The following DYM variants were observed in gnomAD, a reference collection of about 807,000 sequenced individuals.
DYM encodes the protein dyggve-Melchior-Clausen syndrome protein.
A neutral mutation model predicts 93.1 loss-of-function variants in DYM; 78 were observed. The ratio of observed to expected loss-of-function variants is 0.84; its 90% CI spans 0.70 to 1.01. The LOEUF is 1.01. Among genes scored for constraint, DYM ranks in the 50% least tolerant of loss-of-function variants. The probability of loss-of-function intolerance (pLI) is 0.00; values close to 1 mark genes in which losing one functional copy is unlikely to be tolerated. For synonymous variants in DYM, 321 were observed against 319.7 expected (o/e 1.00, Z -0.04); for missense variants, 789 against 845.0 (o/e 0.93, Z 0.82).
chr18:49,044,753 G>C (rs2071251076), intron 17 of DYM, among the ~76,000 whole-genome samples: 1 of 152,238 alleles, frequency 6.6e-6, no homozygotes, highest in Non-Finnish European at 1.5e-5. Flanking sequence ...CTTGGCCTCA[G>C]TCTCTTCCTC....
At chr18:49,167,278 TGA>T (rs2088028021) in intron 14 of DYM, among the ~76,000 whole-genome samples, 1 of 151,932 alleles carries the variant, frequency 6.6e-6, no homozygotes, top group Admixed American at 6.6e-5. Flanking sequence ...AATTCAAACA[TGA>T]GATATTTTGG....
chr18:49,281,261 T>C (rs1168083051), intron 10 of DYM, among the ~76,000 whole-genome samples: 2 of 152,222 alleles, frequency 1.3e-5, no homozygotes, highest in Non-Finnish European at 2.9e-5. Flanking sequence ...AGATACCATC[T>C]CACACCAGTT....
chr18:49,101,323 C>T lies in DYM; in HGVS notation c.1912-3808G>A, dbSNP rs117266545. 1.7e-3 allele frequency among the ~76,000 whole-genome samples: 259 copies of T among 152,288 alleles called. 1 individual carries two copies. The highest frequency in any genetic ancestry group is 3.0e-3 in the Non-Finnish European group (204 of 68,010). On this transcript the variant is annotated intron_variant, in intron 16 of 17. Transcript: ENST00000675505. ...CCAAAGCGCATGTTTTACAACCCTCCTCTACCTACAATATTTGGCTGTAAC... is the reference window on the plus strand; with the variant it reads ...CCAAAGCGCATGTTTTACAACCCTCTTCTACCTACAATATTTGGCTGTAAC...
At chr18:49,314,788 T>A (rs2061819805) in intron 8 of DYM, among the ~76,000 whole-genome samples, 2 of 152,196 alleles carry the variant, frequency 1.3e-5, no homozygotes, top group South Asian at 4.1e-4. Context: ...GACATTCATA[T>A]CGTATGATTG....
intron 13 of DYM, among the ~76,000 whole-genome samples, chr18:49,234,851 A>G (rs2093813250): frequency 6.6e-6 from 1 of 152,228 alleles, no homozygotes; most frequent in Non-Finnish European, 1.5e-5. Context: ...CAGAAGTCAG[A>G]GGGATTTCAA....
At chr18:49,300,037 G>A (rs1288925185) in intron 8 of DYM, among the ~76,000 whole-genome samples, 3 of 137,356 alleles carry the variant, frequency 2.2e-5, no homozygotes, top group South Asian at 2.2e-4. Flanking sequence ...GTGAGACTCC[G>A]TCTCGAGAAA....
intron 14 of DYM, among the ~76,000 whole-genome samples, chr18:49,181,791 C>T (rs1305174138): frequency 1.3e-5 from 2 of 152,066 alleles, no homozygotes; most frequent in African/African-American, 4.8e-5. Flanking sequence ...ATTTTATCTA[C>T]TGCATTTGTT....
At chr18:49,233,353 C>T (rs1288407025) in intron 13 of DYM, among the ~76,000 whole-genome samples, 2 of 127,714 alleles carry the variant, frequency 1.6e-5, no homozygotes, top group Admixed American at 7.9e-5. Flanking sequence ...GGCAAGATTC[C>T]ATCAAAAAAA....
intron 16 of DYM, among the ~76,000 whole-genome samples, chr18:49,107,792 C>T (rs1373127283): frequency 3.9e-5 from 6 of 152,142 alleles, no homozygotes; most frequent in South Asian, 2.1e-4. Context: ...AGTACCCGGC[C>T]GTGTGAAGTG....
At chr18:49,116,304 G>C (rs1470439666) in intron 16 of DYM, 2 of 152,176 alleles carry the variant, frequency 1.3e-5, no homozygotes, top group African/African-American at 4.8e-5. Flanking sequence ...AACTGAGCTA[G>C]AAGCATCTTA....
chr18:49,277,035 C>A (rs1568154999), intron 10 of DYM, among the ~76,000 whole-genome samples: 1 of 151,994 alleles, frequency 6.6e-6, no homozygotes, highest in Non-Finnish European at 1.5e-5. Flanking sequence ...AAGCTTTTGC[C>A]AACTCTATGG....
At chr18:49,161,157 G>A (rs1368784842) in intron 15 of DYM, among the ~76,000 whole-genome samples, 2 of 151,106 alleles carry the variant, frequency 1.3e-5, no homozygotes, top group African/African-American at 4.9e-5. Context: ...AGAAGCAGAT[G>A]CTTTAAGAAA....
chr18:49,408,638 T>A (rs1173580499), intron 2 of DYM, among the ~76,000 whole-genome samples: 1 of 152,216 alleles, frequency 6.6e-6, no homozygotes, highest in Non-Finnish European at 1.5e-5. Flanking sequence ...GTGATGATAG[T>A]AAGCAAGCAT....
At chr18:49,366,908 G>A (rs1442270805) in intron 5 of DYM, among the ~76,000 whole-genome samples, 1 of 152,074 alleles carries the variant, frequency 6.6e-6, no homozygotes, top group East Asian at 1.9e-4. Flanking sequence ...AGTTTAATTA[G>A]AGTAAGGGGC....
At chr18:49,312,301 C>A (rs564914545) in intron 8 of DYM, among the ~76,000 whole-genome samples, 3 of 152,176 alleles carry the variant, frequency 2.0e-5, no homozygotes, top group African/African-American at 7.2e-5. Flanking sequence ...ATCCTCAGAC[C>A]GGATTGAGAA....
At chr18:49,306,597 T>TAAAAC (rs145553135) in intron 8 of DYM, among the ~76,000 whole-genome samples, 14,387 of 152,172 alleles carry the variant, frequency 0.095, 863 homozygotes, top group East Asian at 0.31. Flanking sequence ...TTTTCAGTAA[T>TAAAAC]AAACATGGAT....
chr18:49,287,042 A>T lies in DYM; in HGVS notation c.764-426T>A, dbSNP rs1190892045. 2.0e-5 allele frequency among the ~76,000 whole-genome samples: 3 copies of T among 152,138 alleles called. No homozygotes were observed. In the South Asian group the frequency reaches 6.2e-4, roughly 32 times the overall value. On this transcript the variant is annotated intron_variant, in intron 8 of 17. Transcript: ENST00000675505. ...CCCATCTCTACTAAAAATATAAAAAATAGCCAGGTGTGATGGCAGGCGCCT... is the reference window on the plus strand; with the variant it reads ...CCCATCTCTACTAAAAATATAAAAATTAGCCAGGTGTGATGGCAGGCGCCT...
intron 1 of DYM, among the ~76,000 whole-genome samples, chr18:49,452,438 T>A (rs1008470940): frequency 1.3e-5 from 2 of 152,088 alleles, no homozygotes; most frequent in Admixed American, 1.3e-4. Context: ...TGGTCCATTT[T>A]ACAGAGAGCT....
intron 1 of DYM, among the ~76,000 whole-genome samples, chr18:49,436,831 CAAAAGAAATG>C (rs1169307358): frequency 9.9e-5 from 15 of 152,104 alleles, no homozygotes; most frequent in Non-Finnish European, 1.8e-4. Flanking sequence ...GACACCAGAT[CAAAAGAAATG>C]AAAATCATAA....
Sources: allele counts gnomAD v4.1 joint callset (sites outside exome capture counted in the v4.1 genomes callset), GRCh38; gene constraint gnomAD v4.1.1; transcripts MANE v1.5; gene names NCBI Gene and HGNC (gene_info 2026-07-23, HGNC 2026-07-21).